Variants in N4BP2L2 observed in about 807,000 individuals in gnomAD.
N4BP2L2 encodes NEDD4 binding protein 2 like 2, also known as NEDD4-binding protein 2-like 2.
Under a neutral mutation model 56.2 loss-of-function variants are expected in N4BP2L2, and 50 were observed. The observed-to-expected ratio is 0.89, with a 90% CI of 0.71 to 1.13. N4BP2L2 has a LOEUF of 1.13. Ranked by LOEUF, N4BP2L2 falls within the 50% of genes most tolerant of loss-of-function variation. N4BP2L2 has a pLI of 0.00. For synonymous variants in N4BP2L2, 203 were observed against 223.6 expected, an observed-to-expected ratio of 0.91 and a Z score of 0.82; for missense variants, 689 against 693.8, an observed-to-expected ratio of 0.99 and a Z score of 0.08.
chr13:32,434,959 A>C (rs1448120065), intron 9 of N4BP2L2, among the ~76,000 whole-genome samples: 1 of 152,202 alleles, frequency 6.6e-6, no homozygotes, highest in Non-Finnish European at 1.5e-5. Context: ...ATTTTAGCAG[A>C]CAGAAAAGAC....
At chr13:32,481,780 C>T (rs886822853) in intron 6 of N4BP2L2, among the ~76,000 whole-genome samples, 1 of 152,146 alleles carries the variant, frequency 6.6e-6, no homozygotes, top group African/African-American at 2.4e-5. Flanking sequence ...ATTATTCAAA[C>T]TCTTATTCTG....
At chr13:32,436,520 T>C in intron 8 of N4BP2L2, 2 of 445,674 alleles carry the variant, frequency 4.5e-6, no homozygotes, top group Non-Finnish European at 4.0e-6. Flanking sequence ...AATATAACAG[T>C]GGCTCACGCC....
intron 6 of N4BP2L2, among the ~76,000 whole-genome samples, chr13:32,454,905 G>C (rs1255712970): frequency 6.6e-6 from 1 of 152,226 alleles, no homozygotes; most frequent in East Asian, 1.9e-4. Context: ...GCTGGAATCA[G>C]GTGGGAGCCC....
intron 2 of N4BP2L2, among the ~76,000 whole-genome samples, chr13:32,527,861 T>G (rs1027565368): frequency 1.3e-4 from 20 of 149,430 alleles, no homozygotes; most frequent in Non-Finnish European, 2.5e-4. Context: ...AACCTCCGCC[T>G]CCCGGGTTCA....
At chr13:32,439,321 G>C (rs1465385683) in intron 7 of N4BP2L2, among the ~76,000 whole-genome samples, 2 of 152,190 alleles carry the variant, frequency 1.3e-5, no homozygotes, top group South Asian at 4.1e-4. Context: ...GCTAGTTGAT[G>C]AATGAGGTCT....
chr13:32,481,663 G>A (rs1375335166), intron 6 of N4BP2L2, among the ~76,000 whole-genome samples: 4 of 152,188 alleles, frequency 2.6e-5, no homozygotes, highest in African/African-American at 9.7e-5. Flanking sequence ...TTCAAAAAAG[G>A]GGTAAGCCTC....
intron 2 of N4BP2L2, among the ~76,000 whole-genome samples, chr13:32,535,338 G>A (rs1294501828): frequency 6.6e-6 from 1 of 152,198 alleles, no homozygotes; most frequent in African/African-American, 2.4e-5. Flanking sequence ...CAGTTCTCAA[G>A]TAGCATTTGC....
chr13:32,463,332 A>G (rs1053632081), intron 6 of N4BP2L2, among the ~76,000 whole-genome samples: 2 of 152,068 alleles, frequency 1.3e-5, no homozygotes, highest in African/African-American at 4.8e-5. Context: ...ACCATCAAGT[A>G]CACCAACCTA....
intron 6 of N4BP2L2, among the ~76,000 whole-genome samples, chr13:32,454,937 G>A (rs2078706696): frequency 6.6e-6 from 1 of 152,188 alleles, no homozygotes; most frequent in African/African-American, 2.4e-5. Context: ...CCAGTACAGA[G>A]AAAGGGTCAA....
In N4BP2L2 at chr13:32,516,888, T is replaced by C. The variant is rs1338978671; in HGVS notation, c.*914A>G. 1.0e-5 allele frequency: 10 copies of C among 984,492 alleles called. No individual in the cohort carries two copies. The South Asian group carries it at 3.8e-4, about 37-fold the overall frequency. The allele number at this position is 984,492 out of a possible 1,614,324, so 61.0% of individuals were successfully genotyped here. On this transcript the variant is annotated 3_prime_UTR_variant, in exon 6 of 6. Transcript: ENST00000267068. ...GGCAGGGGATGAATGACAAGACCTC[T>C]GAAATGAATTCCATCTCAGTTTTTA...
At position 32,446,400 on chromosome 13, in the gene N4BP2L2, G is replaced by A. The variant is rs929210150; in HGVS notation, c.366-2274C>T. The A allele has an allele frequency of 5.1e-6, 7 of 1,364,452 alleles. No homozygotes were observed. The Admixed American group carries it at 1.1e-4, about 22-fold the overall frequency. 84.5% of individuals were successfully genotyped at this position (1,364,452 alleles called of 1,614,324 possible). A position where few individuals can be genotyped will look rare whatever the true frequency, so the allele number is the denominator to read the frequency against. ...TCCTAGTTGCAGTCCAAGGTGCAATGTCAGTTATGAAATTCATCCTGCAGA... is the reference window on the plus strand; with the variant it reads ...TCCTAGTTGCAGTCCAAGGTGCAATATCAGTTATGAAATTCATCCTGCAGA... On this transcript the variant is annotated intron_variant, in intron 6 of 9. Transcript: ENST00000357505.
At chr13:32,483,416 T>C (rs1404382832) in intron 6 of N4BP2L2, among the ~76,000 whole-genome samples, 1 of 152,234 alleles carries the variant, frequency 6.6e-6, no homozygotes, top group East Asian at 1.9e-4. Context: ...ATCTAAAATT[T>C]CCTCATTAAA....
At chr13:32,522,152 A>T in intron 4 of N4BP2L2, 30 bp downstream of exon 4, 2 of 1,401,676 alleles carry the variant, frequency 1.4e-6, no homozygotes, top group South Asian at 2.6e-5. Flanking sequence ...AAGAATAAAA[A>T]ATAAAAACTT....
At chr13:32,529,397 C>G (rs1464049130) in intron 2 of N4BP2L2, among the ~76,000 whole-genome samples, 2 of 152,162 alleles carry the variant, frequency 1.3e-5, no homozygotes, top group African/African-American at 4.8e-5. Context: ...TGTGTGTTTG[C>G]TTTTTGGGAG....
chr13:32,437,037 C>A (rs1203120183), intron 8 of N4BP2L2, among the ~76,000 whole-genome samples: 1 of 151,880 alleles, frequency 6.6e-6, no homozygotes, highest in Non-Finnish European at 1.5e-5. Context: ...AGTGCCACCA[C>A]ACACGGCTAA....
chr13:32,451,358 T>G (rs892692152), intron 6 of N4BP2L2, among the ~76,000 whole-genome samples: 12 of 150,776 alleles, frequency 8.0e-5, no homozygotes, highest in Admixed American at 7.9e-4. Context: ...CCAGGTGAGA[T>G]TAAGGAAGAA....
intron 6 of N4BP2L2, among the ~76,000 whole-genome samples, chr13:32,486,355 A>G (rs2085851627): frequency 6.6e-6 from 1 of 152,192 alleles, no homozygotes; most frequent in Non-Finnish European, 1.5e-5. Context: ...TAGAAAATTC[A>G]TAGGGATGTA....
intron 6 of N4BP2L2, among the ~76,000 whole-genome samples, chr13:32,448,675 AG>A (rs1411461793): frequency 6.6e-6 from 1 of 152,196 alleles, no homozygotes; most frequent in African/African-American, 2.4e-5. Flanking sequence ...GAAAGCAGGA[AG>A]GGAGGGTGGA....
intron 6 of N4BP2L2, chr13:32,446,703 A>C (rs1199906084): frequency 5.4e-6 from 1 of 186,354 alleles, no homozygotes; most frequent in Non-Finnish European, 1.0e-5. Flanking sequence ...AACACACTTC[A>C]TCACCAAAAT....
Sources: gnomAD v4.1 joint callset for allele counts (sites outside exome capture counted in the v4.1 genomes callset) on GRCh38, gnomAD v4.1.1 for gene constraint, MANE v1.5 for transcripts, NCBI Gene and HGNC (gene_info 2026-07-23, HGNC 2026-07-21) for gene names.